The following ARHGEF3 variants were observed in gnomAD, a reference collection of about 807,000 sequenced individuals.
ARHGEF3 encodes the protein 59.8 kDA protein.
ARHGEF3 carries 28 observed loss-of-function variants against 63.2 expected under a neutral mutation model. The ratio of observed to expected loss-of-function variants is 0.44; its 90% CI spans 0.33 to 0.61. The LOEUF (loss-of-function observed/expected upper bound fraction) is 0.61, where lower values mean the gene tolerates loss of function less well. ARHGEF3 is among the 20% of genes least tolerant of loss of function. ARHGEF3 has a pLI of 0.03. For synonymous variants in ARHGEF3, 266 were observed against 254.2 expected (o/e 1.05, Z -0.44); for missense variants, 533 against 659.3 (o/e 0.81, Z 2.10).
At chr3:57,072,685 T>G (rs1160988989) in intron 1 of ARHGEF3, among the ~76,000 whole-genome samples, 1 of 136,772 alleles carries the variant, frequency 7.3e-6, no homozygotes, top group Non-Finnish European at 1.5e-5. Flanking sequence ...GAGGTTGCAG[T>G]GAGCTGAGAT....
rs1461558322 is a variant in ARHGEF3, at chr3:56,773,836, AAAAAGT to A, written c.97-26_97-21del. The A allele has an allele frequency of 1.3e-6, 2 of 1,574,486 alleles. No individual in the cohort carries two copies. The highest frequency in any genetic ancestry group is 8.6e-7 in the Non-Finnish European group (1 of 1,163,402). The stretch of plus-strand genomic sequence containing the variant: ...AGGCTCCTATAGAGTTAAAAAAAAA[AAAAAGT>A]AAAATGTCAAGGTCAATTGCAAAGA... On this transcript the variant is annotated intron_variant, in intron 1 of 9. Coordinates refer to ENST00000296315, the MANE Select transcript of ARHGEF3 (RefSeq NM_019555.3).
At chr3:56,969,332 C>T (rs539015284) in intron 2 of ARHGEF3, among the ~76,000 whole-genome samples, 75 of 114,344 alleles carry the variant, frequency 6.6e-4, no homozygotes, top group African/African-American at 2.2e-3. Context: ...TTCTGTAAAA[C>T]GCTTGTTCAG....
intron 1 of ARHGEF3, among the ~76,000 whole-genome samples, chr3:57,038,504 G>A (rs556386067): frequency 3.3e-5 from 5 of 152,130 alleles, no homozygotes; most frequent in Non-Finnish European, 7.4e-5. Context: ...GTGCAGTGAT[G>A]TAATCATAGT....
chr3:56,886,826 G>T (rs147459170), intron 3 of ARHGEF3, among the ~76,000 whole-genome samples: 1 of 152,140 alleles, frequency 6.6e-6, no homozygotes, highest in African/African-American at 2.4e-5. Flanking sequence ...AAAAGGGGCA[G>T]GAATTTGTCC....
intron 1 of ARHGEF3, among the ~76,000 whole-genome samples, chr3:57,036,580 A>AAAAGATAGATTTTCTTTGTACCACATG (rs1560151581): frequency 2.6e-5 from 4 of 152,166 alleles, no homozygotes; most frequent in African/African-American, 9.7e-5. Flanking sequence ...GTTGAGGATC[A>AAAAGATAGATTTTCTTTGTACCACATG]AAAGATAGAT....
At chr3:56,850,219 G>A (rs973510023) in intron 4 of ARHGEF3, among the ~76,000 whole-genome samples, 8 of 152,158 alleles carry the variant, frequency 5.3e-5, no homozygotes, top group African/African-American at 1.7e-4. Flanking sequence ...TTACATACCA[G>A]AATTTCTTTA....
intron 2 of ARHGEF3, among the ~76,000 whole-genome samples, chr3:57,002,502 A>ATATATATATATGTTT (rs1702280217): frequency 3.7e-5 from 3 of 81,058 alleles, no homozygotes; most frequent in African/African-American, 1.3e-4. Context: ...TATATGTTAT[A>ATATATATATATGTTT]TATATATATA....
chr3:57,005,232 T>C (rs1031003153), intron 2 of ARHGEF3, among the ~76,000 whole-genome samples: 1 of 152,186 alleles, frequency 6.6e-6, no homozygotes, highest in Non-Finnish European at 1.5e-5. Context: ...ACAGCATTTA[T>C]TGAGTACTTA....
At chr3:56,886,408 G>A (rs1246139908) in intron 3 of ARHGEF3, among the ~76,000 whole-genome samples, 1 of 152,204 alleles carries the variant, frequency 6.6e-6, no homozygotes, top group East Asian at 1.9e-4. Context: ...AGGACCTGGT[G>A]AAGAAGGGCG....
At chr3:56,878,562 C>A (rs530046744) in intron 4 of ARHGEF3, among the ~76,000 whole-genome samples, 1 of 152,282 alleles carries the variant, frequency 6.6e-6, no homozygotes, top group East Asian at 1.9e-4. Context: ...ATACGTCACC[C>A]ATCACCGAGC....
At chr3:57,071,659 C>CAAAAAAAAAAAA in intron 1 of ARHGEF3, among the ~76,000 whole-genome samples, 1 of 124,920 alleles carries the variant, frequency 8.0e-6, no homozygotes, top group Non-Finnish European at 1.7e-5. Context: ...AACTCCATCT[C>CAAAAAAAAAAAA]AAAAAAAAAA....
Position 56,989,292 on chromosome 3 carries a change from GT to G in ARHGEF3, c.63-30404del, listed in dbSNP as rs61705818. Reference sequence around the variant, plus strand: ...GCATTTTATTCCACTCCTCGCTTGCGTTTTTTTTTTGCTGGTGCACTAGAAA... The same window carrying G: ...GCATTTTATTCCACTCCTCGCTTGCGTTTTTTTTTGCTGGTGCACTAGAAA... On this transcript the variant is annotated intron_variant, in intron 2 of 12. Coordinates refer to the ARHGEF3 transcript ENST00000338458. Among the ~76,000 whole-genome samples the G allele has an allele frequency of 1.2e-4, 18 of 148,488 alleles. No homozygotes were observed. In the South Asian group the frequency reaches 2.6e-3, roughly 21 times the overall value.
chr3:56,794,909 G>C (rs62252691), intron 1 of ARHGEF3, among the ~76,000 whole-genome samples: 44,467 of 151,806 alleles, frequency 0.29, 7,642 homozygotes, highest in Middle Eastern at 0.52. Flanking sequence ...CCAGGCTAGG[G>C]TTGCAGTGGC....
At chr3:56,779,428 T>C (rs972838754) in intron 1 of ARHGEF3, among the ~76,000 whole-genome samples, 2 of 152,180 alleles carry the variant, frequency 1.3e-5, no homozygotes. Context: ...TGTCAAATGG[T>C]ACATGTATTT....
At chr3:56,986,647 C>CCATGATGAAGACTGCACAAAA in intron 2 of ARHGEF3, among the ~76,000 whole-genome samples, 1 of 152,048 alleles carries the variant, frequency 6.6e-6, no homozygotes, top group South Asian at 2.1e-4. Context: ...AAAGGGGAGT[C>CCATGATGAAGACTGCACAAAA]CATGATGAAG....
chr3:57,016,809 G>A (rs2107140904), intron 2 of ARHGEF3, among the ~76,000 whole-genome samples: 1 of 152,134 alleles, frequency 6.6e-6, no homozygotes, highest in Middle Eastern at 3.4e-3. Context: ...CCCTGGTGTG[G>A]GGGAGGGGTC....
At chr3:56,972,345 C>T (rs1700950226) in intron 2 of ARHGEF3, among the ~76,000 whole-genome samples, 1 of 152,074 alleles carries the variant, frequency 6.6e-6, no homozygotes, top group Non-Finnish European at 1.5e-5. Flanking sequence ...TCCTATAAAG[C>T]ACTGCGCCAA....
Position 56,988,028 on chromosome 3 carries a change from C to T in ARHGEF3, c.63-29139G>A, listed in dbSNP as rs908320923. Among the ~76,000 whole-genome samples the T allele has an allele frequency of 4.6e-5, 7 of 152,324 alleles. 2 individuals carry two copies. The South Asian group carries it at 1.4e-3, about 32-fold the overall frequency. The stretch of plus-strand genomic sequence containing the variant: ...AGGGGTCAACCTGGCTCCTCCTTCA[C>T]CTGCTAAGTGACCCTCAGCAAGTAC... On this transcript the variant is annotated intron_variant, in intron 2 of 12. Coordinates refer to the ARHGEF3 transcript ENST00000338458.
At chr3:56,875,787 C>T (rs370117987) in intron 4 of ARHGEF3, among the ~76,000 whole-genome samples, 68 of 152,342 alleles carry the variant, frequency 4.5e-4, no homozygotes, top group African/African-American at 1.4e-3. Flanking sequence ...GCACCTGCTA[C>T]GGGCAAGGCC....
Sources: allele counts gnomAD v4.1 joint callset (sites outside exome capture counted in the v4.1 genomes callset), GRCh38; gene constraint gnomAD v4.1.1; transcripts MANE v1.5; gene names NCBI Gene and HGNC (gene_info 2026-07-23, HGNC 2026-07-21).